The following LANCL1 variants were observed in gnomAD, a reference collection of about 807,000 sequenced individuals.
LANCL1 encodes the protein glutathione S-transferase LANCL1.
Under a neutral mutation model 50.6 loss-of-function variants are expected in LANCL1, and 50 were observed. The observed-to-expected ratio is 0.99, with a 90% CI of 0.79 to 1.25. The LOEUF (loss-of-function observed/expected upper bound fraction) is 1.25, where lower values mean the gene tolerates loss of function less well. LANCL1 is among the 50% of genes most tolerant of loss of function. The probability of loss-of-function intolerance (pLI) is 0.00; values close to 1 mark genes in which losing one functional copy is unlikely to be tolerated. For missense variants in LANCL1, 532 were observed against 480.7 expected (o/e 1.11, Z -1.00); for synonymous variants, 188 against 178.6 (o/e 1.05, Z -0.42).
chr2:210,437,910 A>T, intron 6 of LANCL1, 38 bp from the exon 7 acceptor site: 9 of 1,449,868 alleles, frequency 6.2e-6, no homozygotes, highest in Non-Finnish European at 7.5e-6. Flanking sequence ...CTGCTGAAGC[A>T]AATAAACCTT....
chr2:210,443,378 A>T (rs1693208169), intron 4 of LANCL1, among the ~76,000 whole-genome samples: 1 of 152,196 alleles, frequency 6.6e-6, no homozygotes, highest in Non-Finnish European at 1.5e-5. Context: ...ATTTGATATG[A>T]TCCTATTTAA....
intron 3 of LANCL1, among the ~76,000 whole-genome samples, chr2:210,457,939 C>T (rs1455040387): frequency 4.6e-5 from 7 of 152,058 alleles, no homozygotes; most frequent in Non-Finnish European, 8.8e-5. Flanking sequence ...TCTTCACAGC[C>T]GGGTATGGCT....
intron 3 of LANCL1, 99 bp downstream of exon 3, chr2:210,471,860 A>T (rs1694233757): frequency 1.2e-6 from 1 of 847,988 alleles, no homozygotes; most frequent in South Asian, 1.4e-5. Context: ...CAGATGCAGG[A>T]AGCATTTAAG....
At chr2:210,445,363 T>C (rs1693287701) in intron 4 of LANCL1, among the ~76,000 whole-genome samples, 1 of 152,194 alleles carries the variant, frequency 6.6e-6, no homozygotes. Context: ...CCAAACACAT[T>C]TGCATTTGCA....
At chr2:210,443,775 C>T (rs1369663733) in intron 4 of LANCL1, among the ~76,000 whole-genome samples, 1 of 152,122 alleles carries the variant, frequency 6.6e-6, no homozygotes, top group East Asian at 1.9e-4. Context: ...CAGGAGTCAA[C>T]ACTCAGAGGT....
At chr2:210,434,852 C>T (rs926443706) in intron 9 of LANCL1, among the ~76,000 whole-genome samples, 4 of 152,024 alleles carry the variant, frequency 2.6e-5, no homozygotes, top group African/African-American at 7.2e-5. Context: ...TCTGCAAAAA[C>T]GAAGGATGGC....
intron 2 of LANCL1, among the ~76,000 whole-genome samples, chr2:210,473,274 C>T (rs962925795): frequency 3.9e-5 from 6 of 152,120 alleles, no homozygotes; most frequent in African/African-American, 1.4e-4. Context: ...ATTCGGAAGC[C>T]TGAGGCAGGA....
At chr2:210,476,797 C>T, upstream of LANCL1, 1 of 1,011,372 alleles carries the variant, frequency 9.9e-7, no homozygotes, top group Non-Finnish European at 1.2e-6. Flanking sequence ...AGAGCCTTCG[C>T]CGTTCCCGAG....
upstream of LANCL1, chr2:210,477,477 C>G (rs570632400): frequency 8.0e-7 from 1 of 1,251,724 alleles, no homozygotes; most frequent in Non-Finnish European, 1.0e-6. Flanking sequence ...CATTCTATTG[C>G]TCAGAGAATT....
chr2:210,472,477 T>C (rs1694253546), intron 2 of LANCL1, among the ~76,000 whole-genome samples: 1 of 152,102 alleles, frequency 6.6e-6, no homozygotes, highest in African/African-American at 2.4e-5. Flanking sequence ...GCAAGGTAAA[T>C]TCCCTAAAGA....
intron 2 of LANCL1, among the ~76,000 whole-genome samples, chr2:210,473,173 C>T (rs535243086): frequency 1.1e-4 from 16 of 152,192 alleles, no homozygotes; most frequent in East Asian, 9.7e-4. Flanking sequence ...GTTAGGAGTT[C>T]GAGACCAGTC....
At chr2:210,445,139 T>A (rs887185449) in intron 4 of LANCL1, among the ~76,000 whole-genome samples, 2 of 149,196 alleles carry the variant, frequency 1.3e-5, no homozygotes, top group Non-Finnish European at 3.0e-5. Context: ...TTGCAAAGAT[T>A]GAAAGAACTA....
chr2:210,459,306 AAGACTT>A (rs1181901240), intron 3 of LANCL1, among the ~76,000 whole-genome samples: 1 of 152,096 alleles, frequency 6.6e-6, no homozygotes, highest in Non-Finnish European at 1.5e-5. Flanking sequence ...AAATGGACTA[AAGACTT>A]AGACTTAAGA....
chr2:210,434,813 C>T (rs1692866791), intron 9 of LANCL1, among the ~76,000 whole-genome samples: 1 of 152,008 alleles, frequency 6.6e-6, no homozygotes, highest in African/African-American at 2.4e-5. Context: ...TTCCTCACCT[C>T]ACTGACACCC....
chr2:210,435,319 A>G (rs1662259627), intron 9 of LANCL1, 68 bp downstream of exon 9: 1 of 1,258,000 alleles, frequency 7.9e-7, no homozygotes, highest in Non-Finnish European at 1.1e-6. Context: ...AAACTTAAAT[A>G]CATTAATTAC....
chr2:210,465,903 A>G (rs1277194684), intron 3 of LANCL1, among the ~76,000 whole-genome samples: 1 of 152,174 alleles, frequency 6.6e-6, no homozygotes, highest in Non-Finnish European at 1.5e-5. Flanking sequence ...AAGAGAAATG[A>G]CCACCAGGAT....
chr2:210,434,656 A>C, intron 9 of LANCL1, 93 bp from the exon 10 acceptor site: 1 of 1,011,588 alleles, frequency 9.9e-7, no homozygotes, highest in East Asian at 2.4e-5. Flanking sequence ...TGACAAAAAA[A>C]GTCACAGCAT....
At chr2:210,462,895 T>G (rs1417070814) in intron 3 of LANCL1, among the ~76,000 whole-genome samples, 3 of 152,230 alleles carry the variant, frequency 2.0e-5, no homozygotes, top group Non-Finnish European at 4.4e-5. Flanking sequence ...GACTAGTCAT[T>G]AGCCACTTCT....
chr2:210,445,789 A>G (rs1174652345), intron 4 of LANCL1, among the ~76,000 whole-genome samples: 1 of 152,216 alleles, frequency 6.6e-6, no homozygotes, highest in Non-Finnish European at 1.5e-5. Context: ...TGTCACTGAA[A>G]GAAGAATGAA....
Sources: allele counts gnomAD v4.1 joint callset (sites outside exome capture counted in the v4.1 genomes callset), GRCh38; gene constraint gnomAD v4.1.1; transcripts MANE v1.5; gene names NCBI Gene and HGNC (gene_info 2026-07-23, HGNC 2026-07-21).